SYT16: variants seen among roughly 807,000 people sequenced by gnomAD.
The protein encoded by SYT16 is synaptotagmin-16.
In SYT16, 42 loss-of-function variants were observed where a neutral mutation model predicts 61.4. The ratio of observed to expected loss-of-function variants is 0.68; its 90% confidence interval spans 0.53 to 0.89. The LOEUF (loss-of-function observed/expected upper bound fraction) is 0.89. Ranked by LOEUF, SYT16 falls within the 40% of genes least tolerant of loss-of-function variation. SYT16 has a pLI of 0.00. For missense variants in SYT16, 804 were observed against 807.3 expected (o/e 1.00, Z 0.05); for synonymous variants, 314 against 302.3 (o/e 1.04, Z -0.40).
chr14:61,940,027 C>T (rs749702029), intron 1 of SYT16, among the ~76,000 whole-genome samples: 7 of 152,124 alleles, frequency 4.6e-5, no homozygotes, highest in East Asian at 1.9e-4. Context: ...TGGCAATGCT[C>T]GTTTCTTACC....
chr14:61,901,216 T>C (rs75902733), intron 1 of SYT16, among the ~76,000 whole-genome samples: 353 of 152,370 alleles, frequency 2.3e-3, no homozygotes, highest in African/African-American at 8.2e-3. Context: ...GTGTGCTCTC[T>C]TAAAACGTTT....
At chr14:62,075,883 G>T (rs1339857109) in intron 5 of SYT16, among the ~76,000 whole-genome samples, 1 of 152,190 alleles carries the variant, frequency 6.6e-6, no homozygotes, top group Non-Finnish European at 1.5e-5. Flanking sequence ...AATTATACAA[G>T]GTGTAATGAT....
At chr14:62,046,966 A>G (rs1290739271) in intron 3 of SYT16, among the ~76,000 whole-genome samples, 1 of 152,162 alleles carries the variant, frequency 6.6e-6, no homozygotes, top group Non-Finnish European at 1.5e-5. Context: ...TGAACTTTCA[A>G]ATAGTTTTTT....
At chr14:61,896,397 G>A (rs1007644667) in intron 1 of SYT16, among the ~76,000 whole-genome samples, 6 of 152,296 alleles carry the variant, frequency 3.9e-5, no homozygotes, top group African/African-American at 1.2e-4. Context: ...TACTCATAGT[G>A]GAAAGGGTTT....
At chr14:62,019,434 G>T (rs948458745) in intron 3 of SYT16, among the ~76,000 whole-genome samples, 1 of 152,104 alleles carries the variant, frequency 6.6e-6, no homozygotes, top group African/African-American at 2.4e-5. Context: ...CTACTTTCTT[G>T]CTGTGTACCT....
In SYT16 at chr14:62,100,978, C is replaced by T; in HGVS notation, c.*271C>T. ...GATGAGTTAATTTGTGCCAATAGAT[C>T]ATTGAGTTTTAGTTCAGGGTATGGG... On this transcript the variant is annotated 3_prime_UTR_variant, in exon 8 of 8. Coordinates refer to ENST00000683842, the MANE Select transcript of SYT16 (RefSeq NM_001367656.1). The T allele has an allele frequency of 2.9e-6, 1 of 347,494 alleles. No individual in the cohort carries two copies. The highest frequency in any genetic ancestry group is 5.2e-6 in the Non-Finnish European group (1 of 190,770). 21.5% of individuals were successfully genotyped at this position (347,494 alleles called of 1,614,324 possible). A position where few individuals can be genotyped will look rare whatever the true frequency, so the allele number is the denominator to read the frequency against.
chr14:61,940,554 T>C (rs768768262), intron 1 of SYT16, among the ~76,000 whole-genome samples: 5 of 152,206 alleles, frequency 3.3e-5, no homozygotes, highest in Non-Finnish European at 7.3e-5. Context: ...TAAGCCTCAG[T>C]ATATTTCTCA....
At chr14:61,960,290 G>A (rs183420202) in intron 1 of SYT16, among the ~76,000 whole-genome samples, 4 of 152,226 alleles carry the variant, frequency 2.6e-5, no homozygotes, top group Admixed American at 2.6e-4. Context: ...ATTGCTTTGG[G>A]CAGTATGTCC....
chr14:61,980,492 A>G (rs1200422196), intron 2 of SYT16, among the ~76,000 whole-genome samples: 3 of 152,196 alleles, frequency 2.0e-5, no homozygotes, highest in African/African-American at 7.2e-5. Context: ...TTAAAAATAT[A>G]TAGGCTTATA....
Position 61,996,133 on chromosome 14 carries a change from G to T in SYT16, c.114G>T (p.Ser38=), listed in dbSNP as rs752082025. The change falls in exon 3 of 8, where the codon TCG becomes TCT. Residue 38 remains serine (S), a synonymous_variant. Transcript: ENST00000683842. Reference sequence around the variant, plus strand: ...AAGCAGGAGATATGTTATCTGCTTCGCTGGTTAACATAAGCAAACAAGACT... The same window carrying T: ...AAGCAGGAGATATGTTATCTGCTTCTCTGGTTAACATAAGCAAACAAGACT... ...LQQAGDMLSA[S]LVNISKQDSK... 5 of 1,613,108 alleles carry T rather than the reference G, an allele frequency of 3.1e-6. No homozygotes were observed. Among genetic ancestry groups the T allele is most frequent in the Admixed American group, 1.7e-5 (1 of 59,880 alleles).
chr14:62,067,021 A>C (rs929229591), intron 3 of SYT16, among the ~76,000 whole-genome samples: 1 of 152,198 alleles, frequency 6.6e-6, no homozygotes, highest in African/African-American at 2.4e-5. Context: ...CTAAGCTGAG[A>C]CCTCAATGAT....
intron 1 of SYT16, among the ~76,000 whole-genome samples, chr14:61,819,551 C>T (rs1407065966): frequency 6.6e-6 from 1 of 152,148 alleles, no homozygotes; most frequent in African/African-American, 2.4e-5. Context: ...TAATAAGTCA[C>T]ATTCTATAAT....
rs2057481644 is a variant in SYT16, at chr14:62,104,620, TC to T, written c.*3914del. ...TATCAGATCAACTAGCTATCACTTT[TC>T]TAAAACTTGTAGAATTCTGAAAAAT... On this transcript the variant is annotated 3_prime_UTR_variant, in exon 8 of 8. Transcript: ENST00000683842. 1 of 152,194 alleles carries T rather than the reference TC, an allele frequency of 6.6e-6. No homozygotes were observed. Among genetic ancestry groups the T allele is most frequent in the Non-Finnish European group, 1.5e-5 (1 of 68,028 alleles). The allele number at this position is 152,194 out of a possible 1,614,324, so 9.4% of individuals were successfully genotyped here. A position where few individuals can be genotyped will look rare whatever the true frequency, so the allele number is the denominator to read the frequency against.
intron 2 of SYT16, among the ~76,000 whole-genome samples, chr14:61,988,269 T>C (rs1035731798): frequency 1.3e-5 from 2 of 152,196 alleles, no homozygotes; most frequent in Admixed American, 1.3e-4. Context: ...TCTTTTTTCA[T>C]AAAAATTTTA....
At chr14:61,855,431 C>G (rs1474153605) in intron 1 of SYT16, among the ~76,000 whole-genome samples, 1 of 152,166 alleles carries the variant, frequency 6.6e-6, no homozygotes, top group East Asian at 1.9e-4. Context: ...GCCTACACTA[C>G]CTTTAATATG....
chr14:61,864,791 C>T (rs2140294679), intron 1 of SYT16: 1 of 945,990 alleles, frequency 1.1e-6, no homozygotes, highest in Middle Eastern at 2.2e-4. Context: ...TAGTGTCTGC[C>T]AGCGCCTGGA....
intron 1 of SYT16, among the ~76,000 whole-genome samples, chr14:61,924,428 G>A (rs1203861398): frequency 6.6e-6 from 1 of 152,208 alleles, no homozygotes; most frequent in East Asian, 1.9e-4. Flanking sequence ...GAGAGTAGAA[G>A]TGTTTGTAGC....
intron 3 of SYT16, among the ~76,000 whole-genome samples, chr14:62,064,799 G>T (rs1040021516): frequency 6.6e-6 from 1 of 152,090 alleles, no homozygotes; most frequent in Non-Finnish European, 1.5e-5. Context: ...ACTTTCTTAG[G>T]TTATTGTGAG....
At chr14:62,010,135 A>G (rs188340625) in intron 3 of SYT16, among the ~76,000 whole-genome samples, 61 of 152,360 alleles carry the variant, frequency 4.0e-4, no homozygotes, top group African/African-American at 1.1e-3. Flanking sequence ...AAAATAGTCT[A>G]TGTTAAGTGC....
Sources: gnomAD v4.1 joint callset for allele counts (sites outside exome capture counted in the v4.1 genomes callset) on GRCh38, gnomAD v4.1.1 for gene constraint, MANE v1.5 for transcripts, NCBI Gene and HGNC (gene_info 2026-07-23, HGNC 2026-07-21) for gene names.